The following SCN11A variants were observed in gnomAD, a reference collection of about 807,000 sequenced individuals.
The protein encoded by SCN11A is sodium channel protein type 11 subunit alpha.
A neutral mutation model predicts 162.2 loss-of-function variants in SCN11A; 122 were observed. That is an observed-to-expected ratio of 0.75 (90% CI 0.65 to 0.87). The LOEUF (loss-of-function observed/expected upper bound fraction) is 0.87. SCN11A is among the 40% of genes least tolerant of loss of function. The pLI is 0.00. For synonymous variants in SCN11A, 758 were observed against 751.5 expected (o/e 1.01, Z -0.14); for missense variants, 2,015 against 2,181.6 (o/e 0.92, Z 1.52).
intron 2 of SCN11A, among the ~76,000 whole-genome samples, chr3:38,976,668 C>CA (rs1253218549): frequency 6.6e-6 from 1 of 152,154 alleles, no homozygotes; most frequent in African/African-American, 2.4e-5. Context: ...ACCTGTATTG[C>CA]ACACTTGATC....
intron 2 of SCN11A, among the ~76,000 whole-genome samples, chr3:38,987,548 C>T (rs74532168): frequency 1.1e-3 from 168 of 152,262 alleles, no homozygotes; most frequent in African/African-American, 3.8e-3. Context: ...CTCTGAGATC[C>T]AAGACTTTTC....
intron 10 of SCN11A, 73 bp from the exon 11 acceptor site, chr3:38,920,074 G>T: frequency 1.7e-6 from 2 of 1,155,384 alleles, no homozygotes; most frequent in Non-Finnish European, 2.6e-6. Flanking sequence ...TAAGTATGCA[G>T]ATTATGCTTG....
At chr3:39,004,276 G>A (rs1273013264) in intron 2 of SCN11A, among the ~76,000 whole-genome samples, 1 of 152,142 alleles carries the variant, frequency 6.6e-6, no homozygotes, top group Non-Finnish European at 1.5e-5. Context: ...ATTGAATAGG[G>A]AGTCTTTCTC....
rs777219461 is a variant in SCN11A at position 38,921,225 on chromosome 3, C to T, written c.743G>A (p.Arg248His). 20 of 1,613,850 alleles carry T rather than the reference C, an allele frequency of 1.2e-5. No individual in the cohort carries two copies. Among genetic ancestry groups the T allele is most frequent in the South Asian group, 5.5e-5 (5 of 91,072 alleles). The change falls in exon 10 of 30, where the codon CGC (arginine) becomes CAC (histidine). Residue 248 changes from arginine (R) to histidine (H), a missense_variant. Coordinates refer to ENST00000302328, the MANE Select transcript of SCN11A (RefSeq NM_001349253.2). The part of the protein sequence containing the change: ...RLKVIVGALL[R>H]SVKKLVNVII... ...CACGTTGACCAGCTTCTTCACAGAG[C>T]GTAGCAAGGCCCCCACGATGACCTT...
chr3:38,934,299 G>T (rs944126776), intron 7 of SCN11A, among the ~76,000 whole-genome samples: 1 of 152,188 alleles, frequency 6.6e-6, no homozygotes, highest in African/African-American at 2.4e-5. Flanking sequence ...ATTGAGGCTA[G>T]GAAGAAACTG....
intron 11 of SCN11A, among the ~76,000 whole-genome samples, chr3:38,913,425 T>C (rs1017002666): frequency 2.6e-5 from 4 of 152,208 alleles, no homozygotes; most frequent in African/African-American, 9.6e-5. Context: ...ATTCTGTAGG[T>C]TGTCTGTTTA....
chr3:39,027,287 A>G (rs1298826623), intron 2 of SCN11A, among the ~76,000 whole-genome samples: 1 of 152,230 alleles, frequency 6.6e-6, no homozygotes, highest in African/African-American at 2.4e-5. Context: ...TGGCAACCAT[A>G]AAGGGCCTCA....
At chr3:38,917,819 C>T (rs1163027334) in intron 11 of SCN11A, among the ~76,000 whole-genome samples, 3 of 152,060 alleles carry the variant, frequency 2.0e-5, no homozygotes, top group Admixed American at 6.6e-5. Context: ...AAAAAGAAGA[C>T]CAGTTTGTGC....
At chr3:38,996,431 T>G (rs563484995) in intron 2 of SCN11A, among the ~76,000 whole-genome samples, 2 of 152,312 alleles carry the variant, frequency 1.3e-5, no homozygotes, top group South Asian at 2.1e-4. Context: ...ATTTATCCAA[T>G]TAGCCTCATT....
intron 23 of SCN11A, among the ~76,000 whole-genome samples, chr3:38,874,293 T>C (rs2065174680): frequency 1.3e-5 from 2 of 152,164 alleles, no homozygotes; most frequent in Non-Finnish European, 2.9e-5. Flanking sequence ...ATCGATGTTA[T>C]CCAACTTTAA....
intron 2 of SCN11A, among the ~76,000 whole-genome samples, chr3:38,989,169 C>A (rs2125593585): frequency 6.6e-6 from 1 of 152,336 alleles, no homozygotes; most frequent in South Asian, 2.1e-4. Flanking sequence ...GGGGAGACCA[C>A]AAGTAGCGCT....
intron 2 of SCN11A, among the ~76,000 whole-genome samples, chr3:39,019,789 CACA>C (rs1192435475): frequency 3.9e-5 from 6 of 152,192 alleles, no homozygotes; most frequent in African/African-American, 9.7e-5. Context: ...TCCCTTTTAT[CACA>C]ACTTTATCCA....
At chr3:38,951,836 C>G (rs1023305176) in intron 4 of SCN11A, among the ~76,000 whole-genome samples, 5 of 152,032 alleles carry the variant, frequency 3.3e-5, no homozygotes, top group East Asian at 1.9e-4. Flanking sequence ...GGAATGTAAA[C>G]GCACCAATCA....
chr3:38,915,209 T>C (rs1212666782), intron 11 of SCN11A, among the ~76,000 whole-genome samples: 1 of 152,032 alleles, frequency 6.6e-6, no homozygotes, highest in Non-Finnish European at 1.5e-5. Context: ...GGCAGGGTGT[T>C]TGTGTCCAGG....
chr3:39,012,527 C>A, intron 2 of SCN11A, among the ~76,000 whole-genome samples: 1 of 143,344 alleles, frequency 7.0e-6, no homozygotes, highest in African/African-American at 2.7e-5. Flanking sequence ...GTTGCCCAGG[C>A]TGGAGTGCAG....
intron 7 of SCN11A, among the ~76,000 whole-genome samples, chr3:38,934,762 C>T (rs1185505368): frequency 6.6e-6 from 1 of 151,944 alleles, no homozygotes. Flanking sequence ...GACTTAGACT[C>T]CCACACAATA....
chr3:38,984,867 C>T (rs61237957), intron 2 of SCN11A, among the ~76,000 whole-genome samples: 10,533 of 152,008 alleles, frequency 0.069, 1,169 homozygotes, highest in African/African-American at 0.23. Context: ...AGGGAACATT[C>T]CAAGAAAATA....
intron 23 of SCN11A, among the ~76,000 whole-genome samples, chr3:38,876,444 T>C (rs1290709450): frequency 6.6e-6 from 1 of 152,128 alleles, no homozygotes; most frequent in African/African-American, 2.4e-5. Context: ...GTGAAAATCT[T>C]TGCAATCTAT....
Position 38,871,715 on chromosome 3 carries a change from G to A in SCN11A, c.3496-7C>T. Reference sequence around the variant, plus strand: ...TGAGAGCATTGACCACCACCTTATGGAAACAAAAGCAAAGAAAACCATAAC... The same window carrying A: ...TGAGAGCATTGACCACCACCTTATGAAAACAAAAGCAAAGAAAACCATAAC... On this transcript the variant is annotated splice_region_variant and splice_polypyrimidine_tract_variant and intron_variant, in intron 24 of 29. Coordinates refer to ENST00000302328, the MANE Select transcript of SCN11A (RefSeq NM_001349253.2). The A allele has an allele frequency of 6.3e-7, 1 of 1,577,578 alleles. No individual in the cohort carries two copies. The highest frequency in any genetic ancestry group is 8.6e-7 in the Non-Finnish European group (1 of 1,167,360).
Sources: gnomAD v4.1 joint callset for allele counts (sites outside exome capture counted in the v4.1 genomes callset) on GRCh38, gnomAD v4.1.1 for gene constraint, MANE v1.5 for transcripts, NCBI Gene and HGNC (gene_info 2026-07-23, HGNC 2026-07-21) for gene names.